CCSER1: variants seen among roughly 807,000 people sequenced by gnomAD.
CCSER1 encodes the protein serine-rich coiled-coil domain-containing protein 1.
In CCSER1, 41 loss-of-function variants were observed where a neutral mutation model predicts 82.0. That is an observed-to-expected ratio of 0.50 (90% confidence interval 0.39 to 0.65). The LOEUF is 0.65. Among genes scored for constraint, CCSER1 ranks in the 30% least tolerant of loss-of-function variants. The pLI is 0.00. For synonymous variants in CCSER1, 414 were observed against 383.9 expected (o/e 1.08, Z -0.92); for missense variants, 1,119 against 1,064.2 (o/e 1.05, Z -0.72).
chr4:91,096,082 TGAG>T (rs1416769610), intron 10 of CCSER1, among the ~76,000 whole-genome samples: 1 of 152,222 alleles, frequency 6.6e-6, no homozygotes. Flanking sequence ...TTTTTCCAGT[TGAG>T]GAGGTCAGCA....
At chr4:90,862,303 A>T (rs142777958) in intron 8 of CCSER1, among the ~76,000 whole-genome samples, 2 of 151,950 alleles carry the variant, frequency 1.3e-5, no homozygotes. Flanking sequence ...CAAGACTAGT[A>T]AATAATTATG....
At chr4:91,164,447 T>G (rs1278765159) in intron 10 of CCSER1, among the ~76,000 whole-genome samples, 1 of 152,158 alleles carries the variant, frequency 6.6e-6, no homozygotes, top group African/African-American at 2.4e-5. Flanking sequence ...TGTGGTATTC[T>G]CTGTATTTCC....
intron 10 of CCSER1, among the ~76,000 whole-genome samples, chr4:91,403,480 A>G (rs1752478495): frequency 6.6e-6 from 1 of 152,200 alleles, no homozygotes; most frequent in South Asian, 2.1e-4. Context: ...GCCAGTTTTC[A>G]AAGGGAATGC....
chr4:91,126,504 CT>C (rs1280049812), intron 10 of CCSER1, among the ~76,000 whole-genome samples: 1 of 151,760 alleles, frequency 6.6e-6, no homozygotes. Flanking sequence ...ATTTCTGCAG[CT>C]TATTTATCAT....
intron 10 of CCSER1, among the ~76,000 whole-genome samples, chr4:91,414,820 G>A (rs535318957): frequency 2.0e-5 from 3 of 152,048 alleles, no homozygotes; most frequent in African/African-American, 7.2e-5. Flanking sequence ...AAACAAAGAA[G>A]GTCATTATAT....
intron 9 of CCSER1, among the ~76,000 whole-genome samples, chr4:90,982,425 A>T (rs779966569): frequency 1.6e-4 from 24 of 151,646 alleles, no homozygotes; most frequent in Non-Finnish European, 2.8e-4. Flanking sequence ...GAACACAAAT[A>T]CTCAGTCCAT....
intron 1 of CCSER1, among the ~76,000 whole-genome samples, chr4:90,297,529 T>C (rs1732200545): frequency 6.7e-6 from 1 of 149,302 alleles, no homozygotes; most frequent in Admixed American, 6.6e-5. Context: ...TCCAACACTA[T>C]GTTGAATAGG....
intron 10 of CCSER1, among the ~76,000 whole-genome samples, chr4:91,384,943 G>A (rs1751182858): frequency 6.6e-6 from 1 of 152,024 alleles, no homozygotes; most frequent in South Asian, 2.1e-4. Context: ...TACACTGTTG[G>A]CAAGGCTGTG....
intron 1 of CCSER1, among the ~76,000 whole-genome samples, chr4:90,271,693 T>C (rs948497467): frequency 6.6e-6 from 1 of 150,790 alleles, no homozygotes; most frequent in Non-Finnish European, 1.5e-5. Context: ...CAATCAACAA[T>C]GTAAAGAGAC....
At position 90,723,918 on chromosome 4, in the gene CCSER1, C is replaced by T. The variant is rs1242403581; in HGVS notation, c.1937C>T (p.Ala646Val). 4 of 1,562,316 alleles carry T rather than the reference C, an allele frequency of 2.6e-6. No homozygotes were observed. In the East Asian group the frequency reaches 9.3e-5, roughly 36 times the overall value. The stretch of plus-strand genomic sequence containing the variant: ...TCAATTTCACTGTCCTTGCAGAGTG[C>T]AGACATGAGTCCAGCAAGCAGTACC... Reference protein sequence around the residue: ...LKMKRVLQESADMSPASSTTS... With the variant: ...LKMKRVLQESVDMSPASSTTS... Residue 646 changes from alanine (A) to valine (V), a missense_variant, in exon 7 of 11, where the codon GCA becomes GTA. Physicochemically the swap from Ala to Val is moderately conservative, Grantham distance 64 (BLOSUM62 0). Coordinates refer to ENST00000509176, the MANE Select transcript of CCSER1 (RefSeq NM_001145065.2).
intron 3 of CCSER1, among the ~76,000 whole-genome samples, chr4:90,362,743 C>G (rs1393590259): frequency 1.3e-5 from 2 of 152,158 alleles, no homozygotes; most frequent in Non-Finnish European, 2.9e-5. Context: ...TCAGTCTACT[C>G]TTCTTTGATT....
In CCSER1 at chr4:90,497,943, C is replaced by T. The variant is rs372177525; in HGVS notation, c.1724+29589C>T. ...CAAGAGGGTGAGATGGAATCATGAA[C>T]AGTCTCTTTTTTTTTTTTTTGAGAT... On this transcript the variant is annotated intron_variant, in intron 5 of 10. Transcript: ENST00000509176. 6.6e-5 allele frequency among the ~76,000 whole-genome samples: 10 copies of T among 151,522 alleles called. No individual in the cohort carries two copies. The East Asian group carries it at 7.8e-4, about 12-fold the overall frequency.
chr4:91,100,818 G>T (rs575870830), intron 10 of CCSER1, among the ~76,000 whole-genome samples: 20 of 152,142 alleles, frequency 1.3e-4, no homozygotes, highest in African/African-American at 4.6e-4. Context: ...TCCAAGAAAT[G>T]ACCTCAAAGA....
intron 9 of CCSER1, among the ~76,000 whole-genome samples, chr4:90,955,242 A>T (rs1452524779): frequency 6.6e-6 from 1 of 152,156 alleles, no homozygotes; most frequent in Non-Finnish European, 1.5e-5. Context: ...CACCCTATGA[A>T]TGAAGGATAT....
At chr4:90,294,149 A>C (rs950009434) in intron 1 of CCSER1, among the ~76,000 whole-genome samples, 3 of 152,088 alleles carry the variant, frequency 2.0e-5, no homozygotes, top group Non-Finnish European at 2.9e-5. Flanking sequence ...ATCCCAATTT[A>C]TAAACAGATA....
At chr4:90,844,232 A>AG (rs1491565228) in intron 8 of CCSER1, among the ~76,000 whole-genome samples, 20 of 151,324 alleles carry the variant, frequency 1.3e-4, no homozygotes, top group Non-Finnish European at 2.2e-4. Context: ...AGAGAGAGAG[A>AG]AAGAGAGGAA....
intron 1 of CCSER1, among the ~76,000 whole-genome samples, chr4:90,276,186 TTTTCTTTCTTTCTTTCTTTCTTTC>T (rs1158531206): frequency 1.8e-4 from 20 of 113,214 alleles, no homozygotes; most frequent in African/African-American, 5.0e-4. Flanking sequence ...TTGAACACTG[TTTTCTTTCTTTCTTTCTTTCTTTC>T]TTTCTTTCTT....
chr4:90,479,793 TG>T (rs1458750592), intron 5 of CCSER1, among the ~76,000 whole-genome samples: 1 of 152,226 alleles, frequency 6.6e-6, no homozygotes, highest in Non-Finnish European at 1.5e-5. Flanking sequence ...ACATTTGGGT[TG>T]GGTCCAAGTC....
At chr4:90,579,299 AAC>A (rs530626887) in intron 5 of CCSER1, among the ~76,000 whole-genome samples, 10 of 152,162 alleles carry the variant, frequency 6.6e-5, no homozygotes, top group Non-Finnish European at 1.3e-4. Context: ...TCTTGTAATC[AAC>A]ACAGTCATTT....
Sources: gnomAD v4.1 joint callset for allele counts (sites outside exome capture counted in the v4.1 genomes callset) on GRCh38, gnomAD v4.1.1 for gene constraint, MANE v1.5 for transcripts, NCBI Gene and HGNC (gene_info 2026-07-23, HGNC 2026-07-21) for gene names.